Variants in AHCTF1 observed in about 807,000 individuals in gnomAD.
AHCTF1 encodes AT-hook containing transcription factor 1.
Under a neutral mutation model 248.4 loss-of-function variants are expected in AHCTF1, and 24 were observed. The ratio of observed to expected loss-of-function variants is 0.10; its 90% confidence interval spans 0.07 to 0.14. The LOEUF (loss-of-function observed/expected upper bound fraction) is 0.14, where lower values mean the gene tolerates loss of function less well. Ranked by LOEUF, AHCTF1 falls within the 10% of genes least tolerant of loss-of-function variation. AHCTF1 has a pLI of 1.00. For synonymous variants in AHCTF1, 786 were observed against 929.8 expected, an observed-to-expected ratio of 0.85 and a Z score of 2.81; for missense variants, 2,206 against 2,636.2, an observed-to-expected ratio of 0.84 and a Z score of 3.57.
At chr1:246,892,059 T>C (rs1030724898) in intron 14 of AHCTF1, 140 bp from the exon 15 acceptor site, 4 of 999,886 alleles carry the variant, frequency 4.0e-6, no homozygotes, top group Non-Finnish European at 4.3e-6. Context: ...AAGCTAGAAA[T>C]GGCAAAACCT....
At chr1:246,919,541 G>A (rs867077403) in intron 1 of AHCTF1, among the ~76,000 whole-genome samples, 11 of 151,962 alleles carry the variant, frequency 7.2e-5, no homozygotes, top group Admixed American at 2.0e-4. Context: ...GTGAAAACCC[G>A]TCTCTACTAA....
intron 17 of AHCTF1, among the ~76,000 whole-genome samples, chr1:246,889,109 C>G (rs6659764): frequency 0.026 from 3,991 of 152,178 alleles, 181 homozygotes; most frequent in African/African-American, 0.092. Flanking sequence ...TACCATAAAG[C>G]CCAGCGTAGT....
chr1:246,867,263 C>G lies in AHCTF1; in HGVS notation c.3328G>C (p.Ala1110Pro), dbSNP rs1252834409. Reference sequence around the variant, plus strand: ...TCTTACCTAGAAATTTTTTGTGATGCTTTTGAAATTGGTGTTCCAAAAAAT... The same window carrying G: ...TCTTACCTAGAAATTTTTTGTGATGGTTTTGAAATTGGTGTTCCAAAAAAT... ...EAFFGTPISK[A>P]SQKISRLLDL... Residue 1110 changes from alanine (A) to proline (P), a missense_variant, in exon 26 of 36, where the codon GCA (alanine) becomes CCA (proline). Transcript: ENST00000648844. 2 of 1,595,868 alleles carry G rather than the reference C, an allele frequency of 1.3e-6. No homozygotes were observed. Among genetic ancestry groups the G allele is most frequent in the Non-Finnish European group, 1.7e-6 (2 of 1,169,504 alleles).
At position 246,877,197 on chromosome 1, in the gene AHCTF1, C is replaced by T; in HGVS notation, c.2766G>A (p.Met922Ile). 6.2e-7 allele frequency: 1 copy of T among 1,613,360 alleles called. No individual in the cohort carries two copies. Among genetic ancestry groups the T allele is most frequent in the African/African-American group, 1.3e-5 (1 of 75,046 alleles). ...TAAATGGTAACTTCAGTAAATCTTC[C>T]ATCAAGCCCATTTCCTGACAGACTT... ...MYEVCQEMGL[M>I]EDLLKLPFTD... The change falls in exon 22 of 36, where the codon ATG becomes ATA. Residue 922 changes from methionine to isoleucine, a missense_variant. By Grantham distance (10) the Met-to-Ile change is conservative. Transcript: ENST00000648844.
intron 29 of AHCTF1, among the ~76,000 whole-genome samples, chr1:246,858,205 C>A (rs1243687163): frequency 6.6e-6 from 1 of 151,984 alleles, no homozygotes; most frequent in South Asian, 2.1e-4. Context: ...GTGATCCACC[C>A]ACCTGGGCCT....
chr1:246,887,297 C>T lies in AHCTF1; in HGVS notation c.2386G>A (p.Glu796Lys). The T allele has an allele frequency of 1.2e-6, 2 of 1,613,298 alleles. No individual in the cohort carries two copies. The highest frequency in any genetic ancestry group is 1.7e-6 in the Non-Finnish European group (2 of 1,179,622). ...SFPNKTDTPI[E>K]SFPTVFAISW... ...ATGGCAAATACAGTTGGGAAAGATTCAATGGGAGTGTCTGTTTTGTTGGGA... is the reference window on the plus strand; with the variant it reads ...ATGGCAAATACAGTTGGGAAAGATTTAATGGGAGTGTCTGTTTTGTTGGGA... The change falls in exon 20 of 36, where the codon GAA becomes AAA. Residue 796 changes from glutamate to lysine, a missense_variant. Physicochemically the swap from Glu to Lys is moderately conservative, Grantham distance 56 (BLOSUM62 1). Around this residue, in one of 6 missense-constraint regions of AHCTF1, gnomAD observed 650 missense variants for 870.8 expected, o/e 0.75. Coordinates refer to ENST00000648844, the MANE Select transcript of AHCTF1 (RefSeq NM_001323342.2).
chr1:246,928,937 T>C (rs569064730), intron 1 of AHCTF1, among the ~76,000 whole-genome samples: 1 of 152,246 alleles, frequency 6.6e-6, no homozygotes. Flanking sequence ...AACACCGTGT[T>C]AGTAAAGGAA....
chr1:246,885,701 G>A, intron 20 of AHCTF1, 21 bp from the exon 21 acceptor site: 2 of 1,586,554 alleles, frequency 1.3e-6, no homozygotes, highest in Non-Finnish European at 8.6e-7. Flanking sequence ...CATGAAAAAT[G>A]TTAAATATAA....
chr1:246,842,084 C>T (rs942504635), intron 35 of AHCTF1, among the ~76,000 whole-genome samples: 31 of 151,942 alleles, frequency 2.0e-4, no homozygotes, highest in Admixed American at 1.4e-3. Flanking sequence ...TGAGCCACCA[C>T]GCCCGACCTC....
intron 21 of AHCTF1, among the ~76,000 whole-genome samples, chr1:246,881,862 CA>C (rs773882926): frequency 7.5e-5 from 10 of 134,066 alleles, no homozygotes; most frequent in Non-Finnish European, 8.1e-5. Flanking sequence ...AAAAAAAAAA[CA>C]AAAAAAAAAG....
At chr1:246,918,173 A>C in intron 2 of AHCTF1, 77 bp downstream of exon 2, 1 of 1,284,848 alleles carries the variant, frequency 7.8e-7, no homozygotes, top group Non-Finnish European at 1.0e-6. Flanking sequence ...CCACATAAAG[A>C]AACTATAATA....
intron 4 of AHCTF1, among the ~76,000 whole-genome samples, chr1:246,909,111 T>TATTTA (rs1195800928): frequency 1.0e-3 from 104 of 99,746 alleles, no homozygotes; most frequent in African/African-American, 4.2e-3. Context: ...ATCTATCTAT[T>TATTTA]TATATATATA....
chr1:246,849,556 A>G, intron 33 of AHCTF1, 59 bp downstream of exon 33: 6 of 1,526,744 alleles, frequency 3.9e-6, no homozygotes, highest in Non-Finnish European at 5.3e-6. Context: ...ACAAATAACC[A>G]AATTTTAAGC....
intron 17 of AHCTF1, 150 bp downstream of exon 17, chr1:246,889,816 A>T (rs959386528): frequency 4.2e-5 from 22 of 523,646 alleles, no homozygotes; most frequent in African/African-American, 1.6e-4. Context: ...GTACTTTTTT[A>T]AAAAAGAGAA....
At chr1:246,854,707 G>C (rs565823182) in intron 31 of AHCTF1, among the ~76,000 whole-genome samples, 1 of 152,080 alleles carries the variant, frequency 6.6e-6, no homozygotes, top group Non-Finnish European at 1.5e-5. Flanking sequence ...TAGGAAATGG[G>C]TCTTATTAAT....
chr1:246,862,191 T>G (rs749684159), intron 27 of AHCTF1, 38 bp from the exon 28 acceptor site: 1 of 1,546,020 alleles, frequency 6.5e-7, no homozygotes, highest in East Asian at 2.3e-5. Flanking sequence ...CCATTAAAAG[T>G]GCTTATAGGC....
At chr1:246,908,842 G>C (rs1665583071) in intron 4 of AHCTF1, among the ~76,000 whole-genome samples, 1 of 150,548 alleles carries the variant, frequency 6.6e-6, no homozygotes, top group African/African-American at 2.4e-5. Context: ...AGCTTGCCGT[G>C]AGCCAAGATT....
In AHCTF1 at chr1:246,900,116, G is replaced by A. The variant is rs1305759906; in HGVS notation, c.1381C>T (p.Pro461Ser). 6 of 1,608,430 alleles carry A rather than the reference G, an allele frequency of 3.7e-6. No homozygotes were observed. Among genetic ancestry groups the A allele is most frequent in the South Asian group, 3.3e-5 (3 of 89,746 alleles). The change falls in exon 10 of 36, where the codon CCT becomes TCT. Residue 461 changes from proline to serine, a missense_variant. Around this residue, in one of 6 missense-constraint regions of AHCTF1, gnomAD observed 650 missense variants for 870.8 expected, o/e 0.75. Transcript: ENST00000648844. ...HERSLNRGVP[P>S]SYPPPEQFFN... The stretch of plus-strand genomic sequence containing the variant: ...AACTGCTCGGGAGGTGGATATGAAG[G>A]AGGGACTCCTCTATTTAAACTTCTC...
chr1:246,919,578 T>C (rs1666378033), intron 1 of AHCTF1, among the ~76,000 whole-genome samples: 1 of 151,802 alleles, frequency 6.6e-6, no homozygotes, highest in African/African-American at 2.4e-5. Context: ...CCAGGCATGG[T>C]GGCACACACC....
Sources: allele counts gnomAD v4.1 joint callset (sites outside exome capture counted in the v4.1 genomes callset), GRCh38; gene constraint gnomAD v4.1.1; regional missense constraint gnomAD v4.1.1; transcripts MANE v1.5; gene names NCBI Gene and HGNC (gene_info 2026-07-23, HGNC 2026-07-21).